Variants in IL1RL1 observed in about 807,000 individuals in gnomAD.
IL1RL1 encodes interleukin-1 receptor-like 1.
Under a neutral mutation model 50.9 loss-of-function variants are expected in IL1RL1, and 32 were observed. The observed-to-expected ratio is 0.63, with a 90% CI of 0.47 to 0.84. IL1RL1 has a LOEUF of 0.84. IL1RL1 is among the 40% of genes least tolerant of loss of function. IL1RL1 has a pLI of 0.00. For missense variants in IL1RL1, 773 were observed against 662.9 expected, an observed-to-expected ratio of 1.17 and a Z score of -1.82; for synonymous variants, 275 against 236.0, an observed-to-expected ratio of 1.17 and a Z score of -1.51.
At chr2:102,315,075 G>A (rs947929938) in intron 1 of IL1RL1, among the ~76,000 whole-genome samples, 13 of 152,024 alleles carry the variant, frequency 8.6e-5, no homozygotes, top group Non-Finnish European at 1.8e-4. Context: ...TTAGGATTCC[G>A]CACATCCTAT....
chr2:102,339,849 G>C (rs1392156483), intron 3 of IL1RL1, among the ~76,000 whole-genome samples: 1 of 152,178 alleles, frequency 6.6e-6, no homozygotes, highest in African/African-American at 2.4e-5. Context: ...CATTACAGCA[G>C]ATGTAGTGTA....
At chr2:102,327,871 C>T (rs1677058178) in intron 1 of IL1RL1, among the ~76,000 whole-genome samples, 1 of 152,068 alleles carries the variant, frequency 6.6e-6, no homozygotes, top group Non-Finnish European at 1.5e-5. Flanking sequence ...TAATAGCTTA[C>T]CAACCAAAAA....
chr2:102,347,324 C>T (rs1044847245), intron 8 of IL1RL1, among the ~76,000 whole-genome samples: 3 of 152,188 alleles, frequency 2.0e-5, no homozygotes, highest in African/African-American at 7.2e-5. Flanking sequence ...CTTTCTGCTA[C>T]CATCAGATTA....
intron 8 of IL1RL1, 25 bp downstream of exon 8, chr2:102,343,440 A>G (rs1677658410): frequency 6.2e-7 from 1 of 1,614,192 alleles, no homozygotes; most frequent in African/African-American, 1.3e-5. Flanking sequence ...TGAGACTTTG[A>G]TCACCTGAAC....
In IL1RL1 at chr2:102,349,127, C is replaced by G; in HGVS notation, c.1166C>G (p.Ser389Cys). The change falls in exon 10 of 11, where the codon TCC becomes TGC. Residue 389 changes from serine to cysteine, a missense_variant. Coordinates refer to ENST00000233954, the MANE Select transcript of IL1RL1 (RefSeq NM_016232.5). ...GTTGTCTACCCACGGAACTACAAAT[C>G]CAGTACAGATGGGGCCAGTCGTGTA... ...AYVVYPRNYK[S>C]STDGASRVEH... 1.2e-6 allele frequency: 2 copies of G among 1,613,504 alleles called. No individual in the cohort carries two copies. The highest frequency in any genetic ancestry group is 1.7e-6 in the Non-Finnish European group (2 of 1,179,446).
At chr2:102,341,633 T>C (rs1266723100) in intron 5 of IL1RL1, among the ~76,000 whole-genome samples, 1 of 152,178 alleles carries the variant, frequency 6.6e-6, no homozygotes, top group Non-Finnish European at 1.5e-5. Flanking sequence ...AGTGCCTCTT[T>C]CTGTTTAATA....
At chr2:102,323,294 G>A (rs11123919) in intron 1 of IL1RL1, among the ~76,000 whole-genome samples, 71,294 of 145,690 alleles carry the variant, frequency 0.49, 17,613 homozygotes, top group Middle Eastern at 0.63. Context: ...GTGTGTGTGT[G>A]TATATATATA....
At chr2:102,341,649 C>T (rs1677568638) in intron 5 of IL1RL1, among the ~76,000 whole-genome samples, 1 of 152,066 alleles carries the variant, frequency 6.6e-6, no homozygotes, top group Non-Finnish European at 1.5e-5. Flanking sequence ...TAATATCAAC[C>T]CTTACAGTGG....
chr2:102,325,815 G>A (rs1192356423), intron 1 of IL1RL1, among the ~76,000 whole-genome samples: 2 of 152,060 alleles, frequency 1.3e-5, no homozygotes, highest in East Asian at 3.9e-4. Flanking sequence ...TAGAATAAAA[G>A]GAAACGAACA....
chr2:102,328,961 C>T (rs1197814217), intron 1 of IL1RL1, among the ~76,000 whole-genome samples: 8 of 152,168 alleles, frequency 5.3e-5, no homozygotes, highest in Admixed American at 2.0e-4. Flanking sequence ...CTACCAATGA[C>T]TTTCTTCACA....
chr2:102,314,563 TTTGTC>T (rs1676618436), intron 1 of IL1RL1, among the ~76,000 whole-genome samples: 1 of 152,234 alleles, frequency 6.6e-6, no homozygotes, highest in African/African-American at 2.4e-5. Flanking sequence ...TAAGACCACT[TTTGTC>T]TTGTGACAAC....
At chr2:102,320,225 G>A (rs999488761) in intron 1 of IL1RL1, among the ~76,000 whole-genome samples, 1 of 152,168 alleles carries the variant, frequency 6.6e-6, no homozygotes, top group Non-Finnish European at 1.5e-5. Flanking sequence ...CTTTAAGGTG[G>A]TGAGGTCAGT....
intron 1 of IL1RL1, among the ~76,000 whole-genome samples, chr2:102,312,105 A>AAT (rs2104955048): frequency 8.7e-6 from 1 of 114,620 alleles, no homozygotes; most frequent in East Asian, 2.2e-4. Flanking sequence ...TATTAAATAT[A>AAT]ATATATATAA....
intron 1 of IL1RL1, among the ~76,000 whole-genome samples, chr2:102,320,654 A>C (rs1293770954): frequency 1.3e-5 from 2 of 152,198 alleles, no homozygotes; most frequent in Middle Eastern, 3.4e-3. Flanking sequence ...AGTAACTAGC[A>C]ACCCTATTTG....
intron 1 of IL1RL1, among the ~76,000 whole-genome samples, chr2:102,320,006 A>G (rs1225847767): frequency 2.0e-5 from 3 of 152,136 alleles, no homozygotes; most frequent in African/African-American, 7.2e-5. Flanking sequence ...TTGCTTTGTT[A>G]TTTTAAAAAC....
At chr2:102,350,587 C>G (rs762513748) in intron 10 of IL1RL1, among the ~76,000 whole-genome samples, 1 of 152,266 alleles carries the variant, frequency 6.6e-6, no homozygotes, top group Non-Finnish European at 1.5e-5. Context: ...TTGCATTTGC[C>G]CCATCAAAAT....
intron 1 of IL1RL1, among the ~76,000 whole-genome samples, chr2:102,333,032 G>A (rs2104976935): frequency 6.6e-6 from 1 of 152,176 alleles, no homozygotes; most frequent in East Asian, 1.9e-4. Flanking sequence ...GGGTTGGAGG[G>A]GAGGGGTCAG....
chr2:102,338,989 C>T lies in IL1RL1; in HGVS notation c.214C>T (p.Leu72=). The T allele has an allele frequency of 6.2e-7, 1 of 1,613,998 alleles. No individual in the cohort carries two copies. The highest frequency in any genetic ancestry group is 8.5e-7 in the Non-Finnish European group (1 of 1,179,910). ...TCGTGTGTTTGCCTCAGGCCAACTT[C>T]TGAAGTTTCTACCAGCTGCAGTTGC... ...RNRVFASGQL[L]KFLPAAVADS... is the part of the protein sequence containing the mutation. The change falls in exon 3 of 11, where the codon CTG becomes TTG. Residue 72 remains leucine, a synonymous_variant. Transcript: ENST00000233954.
At chr2:102,335,013 T>G (rs1677275087) in intron 1 of IL1RL1, among the ~76,000 whole-genome samples, 2 of 152,172 alleles carry the variant, frequency 1.3e-5, no homozygotes, top group East Asian at 1.9e-4. Context: ...TGAGCTTAGA[T>G]TCTATGAGAT....
Sources: gnomAD v4.1 joint callset for allele counts (sites outside exome capture counted in the v4.1 genomes callset) on GRCh38, gnomAD v4.1.1 for gene constraint, MANE v1.5 for transcripts, NCBI Gene and HGNC (gene_info 2026-07-23, HGNC 2026-07-21) for gene names.